DPP10: variants seen among roughly 807,000 people sequenced by gnomAD.
DPP10 encodes the protein dipeptidyl peptidase like 10.
In DPP10, 33 loss-of-function variants were observed where a neutral mutation model predicts 120.9. The observed-to-expected ratio is 0.27, with a 90% CI of 0.21 to 0.37. The LOEUF is 0.37. Ranked by LOEUF, DPP10 falls within the 10% of genes least tolerant of loss-of-function variation. The pLI, the probability that DPP10 is intolerant of heterozygous loss-of-function variation, is 1.00. For missense variants in DPP10, 816 were observed against 942.8 expected, an observed-to-expected ratio of 0.87 and a Z score of 1.76; for synonymous variants, 337 against 326.1, an observed-to-expected ratio of 1.03 and a Z score of -0.36.
intron 19 of DPP10, among the ~76,000 whole-genome samples, chr2:115,793,515 C>A (rs1053130570): frequency 6.6e-6 from 1 of 151,868 alleles, no homozygotes; most frequent in Admixed American, 6.6e-5. Flanking sequence ...AATTGCTTTT[C>A]TGCCAACCTA....
chr2:115,588,370 ATCAT>A (rs1044484773), intron 5 of DPP10, among the ~76,000 whole-genome samples: 4 of 152,226 alleles, frequency 2.6e-5, no homozygotes, highest in Non-Finnish European at 4.4e-5. Flanking sequence ...AGTTTCAAAA[ATCAT>A]TCAGTCTATT....
At chr2:115,752,285 G>A (rs1678840539) in intron 10 of DPP10, among the ~76,000 whole-genome samples, 1 of 152,036 alleles carries the variant, frequency 6.6e-6, no homozygotes, top group African/African-American at 2.4e-5. Context: ...GTTTTTTTAA[G>A]TTTTTATCAT....
chr2:114,610,223 G>T (rs2105279517), intron 1 of DPP10, among the ~76,000 whole-genome samples: 1 of 152,256 alleles, frequency 6.6e-6, no homozygotes, highest in East Asian at 1.9e-4. Context: ...GTCTGTATTT[G>T]CCTTCTAGAA....
chr2:114,530,122 A>T (rs942712060), intron 1 of DPP10, among the ~76,000 whole-genome samples: 1 of 152,124 alleles, frequency 6.6e-6, no homozygotes, highest in Non-Finnish European at 1.5e-5. Flanking sequence ...GTTTGATTCT[A>T]TAGTTAATAT....
At chr2:114,740,304 C>G (rs1234074198) in intron 1 of DPP10, among the ~76,000 whole-genome samples, 2 of 139,806 alleles carry the variant, frequency 1.4e-5, no homozygotes, top group Non-Finnish European at 3.0e-5. Flanking sequence ...GGGAATTGAA[C>G]AATGAGAACA....
intron 1 of DPP10, among the ~76,000 whole-genome samples, chr2:114,449,285 G>A (rs1006335794): frequency 3.9e-5 from 6 of 152,058 alleles, no homozygotes; most frequent in Non-Finnish European, 7.4e-5. Context: ...GGGCATAACT[G>A]GAAGTAGCAC....
At position 115,216,523 on chromosome 2, in the gene DPP10, C is replaced by T. The variant is rs572477143; in HGVS notation, c.61-92716C>T. On this transcript the variant is annotated intron_variant, in intron 1 of 25. Coordinates refer to ENST00000410059, the MANE Select transcript of DPP10 (RefSeq NM_020868.6). The stretch of plus-strand genomic sequence containing the variant: ...TCAAGGCTGGGTGCAGTGGCTCGTG[C>T]CTGTAATCCAAGCACTTTGGGAGGC... 6.8e-4 allele frequency among the ~76,000 whole-genome samples: 103 copies of T among 152,180 alleles called. No homozygotes were observed. The South Asian group carries it at 6.8e-3, about 10-fold the overall frequency.
intron 1 of DPP10, among the ~76,000 whole-genome samples, chr2:114,592,093 C>T (rs556643331): frequency 1.5e-4 from 23 of 152,228 alleles, no homozygotes; most frequent in African/African-American, 4.8e-4. Context: ...GTATGTAGCT[C>T]AAACATATGC....
At chr2:115,009,614 T>G (rs2105077110) in intron 1 of DPP10, among the ~76,000 whole-genome samples, 1 of 151,438 alleles carries the variant, frequency 6.6e-6, no homozygotes, top group Non-Finnish European at 1.5e-5. Flanking sequence ...AGACAAATAT[T>G]TAAAGTAATG....
intron 1 of DPP10, among the ~76,000 whole-genome samples, chr2:114,528,423 T>G (rs1466295390): frequency 6.6e-6 from 1 of 152,032 alleles, no homozygotes; most frequent in Non-Finnish European, 1.5e-5. Context: ...GCTCCACCCA[T>G]TGTTCTAGAT....
rs576459178 is a variant in DPP10, at chr2:114,908,444, C to A, written c.61-400795C>A. Among the ~76,000 whole-genome samples the A allele has an allele frequency of 9.2e-5, 14 of 151,888 alleles. No individual in the cohort carries two copies. The East Asian group carries it at 1.9e-3, about 21-fold the overall frequency. On this transcript the variant is annotated intron_variant, in intron 1 of 25. Coordinates refer to ENST00000410059, the MANE Select transcript of DPP10 (RefSeq NM_020868.6). ...TTCCTGGTATTAATTTTAACTATATCTTTTAGTTACTTGCTTAGTGGATGC... is the reference window on the plus strand; with the variant it reads ...TTCCTGGTATTAATTTTAACTATATATTTTAGTTACTTGCTTAGTGGATGC...
chr2:114,685,054 C>A (rs1699274422), intron 1 of DPP10, among the ~76,000 whole-genome samples: 1 of 152,116 alleles, frequency 6.6e-6, no homozygotes, highest in Middle Eastern at 3.4e-3. Flanking sequence ...CATGAACTTT[C>A]TGCATCGTCT....
intron 1 of DPP10, among the ~76,000 whole-genome samples, chr2:114,920,736 A>G (rs1695140774): frequency 6.6e-6 from 1 of 152,296 alleles, no homozygotes; most frequent in South Asian, 2.1e-4. Context: ...CCATATTTGC[A>G]ATCTGACCTC....
At chr2:115,173,264 A>G (rs2053480425) in intron 1 of DPP10, among the ~76,000 whole-genome samples, 1 of 152,166 alleles carries the variant, frequency 6.6e-6, no homozygotes, top group Middle Eastern at 3.2e-3. Context: ...AAATAGATAA[A>G]TACAATCTAG....
chr2:114,641,517 C>A (rs1022701862), intron 1 of DPP10, among the ~76,000 whole-genome samples: 2 of 151,950 alleles, frequency 1.3e-5, no homozygotes, highest in African/African-American at 4.9e-5. Flanking sequence ...ACTGCCTTTA[C>A]GTATGATAGA....
intron 1 of DPP10, among the ~76,000 whole-genome samples, chr2:114,761,419 C>T (rs756734153): frequency 3.9e-5 from 6 of 152,126 alleles, no homozygotes; most frequent in Non-Finnish European, 5.9e-5. Flanking sequence ...AGTAGAGGCA[C>T]TTTTCTCCCC....
intron 1 of DPP10, among the ~76,000 whole-genome samples, chr2:114,695,486 T>C (rs1311811021): frequency 6.6e-6 from 1 of 152,062 alleles, no homozygotes. Context: ...CAGATGTCCA[T>C]ATTGAATTAA....
chr2:115,741,650 C>G (rs1032343563), intron 9 of DPP10, among the ~76,000 whole-genome samples: 1 of 152,122 alleles, frequency 6.6e-6, no homozygotes, highest in Non-Finnish European at 1.5e-5. Flanking sequence ...GGAATACAAT[C>G]ACATCTGACT....
At chr2:115,296,433 A>G (rs2060888006) in intron 1 of DPP10, among the ~76,000 whole-genome samples, 1 of 152,038 alleles carries the variant, frequency 6.6e-6, no homozygotes, top group Non-Finnish European at 1.5e-5. Context: ...CTGGGCAATT[A>G]CAACCTTTAA....
Sources: gnomAD v4.1 joint callset for allele counts (sites outside exome capture counted in the v4.1 genomes callset) on GRCh38, gnomAD v4.1.1 for gene constraint, MANE v1.5 for transcripts, NCBI Gene and HGNC (gene_info 2026-07-23, HGNC 2026-07-21) for gene names.